Variants in FOXO1 observed in about 807,000 individuals in gnomAD.
FOXO1 encodes the protein forkhead box O1, also known as forkhead box protein O1.
In FOXO1, 6 loss-of-function variants were observed where a neutral mutation model predicts 44.1. The ratio of observed to expected loss-of-function variants is 0.14; its 90% confidence interval spans 0.07 to 0.27. The LOEUF (loss-of-function observed/expected upper bound fraction) is 0.27. Among genes scored for constraint, FOXO1 ranks in the 10% least tolerant of loss-of-function variants. FOXO1 has a pLI of 1.00. For synonymous variants in FOXO1, 380 were observed against 362.7 expected (o/e 1.05, Z -0.54); for missense variants, 737 against 888.8 (o/e 0.83, Z 2.17).
intron 1 of FOXO1, among the ~76,000 whole-genome samples, chr13:40,636,447 A>G (rs959572841): frequency 6.6e-6 from 1 of 151,614 alleles, no homozygotes; most frequent in African/African-American, 2.4e-5. Flanking sequence ...ATATGAGAGG[A>G]CTGCTTGAGG....
chr13:40,592,894 T>G (rs1414521794), intron 1 of FOXO1, among the ~76,000 whole-genome samples: 1 of 152,226 alleles, frequency 6.6e-6, no homozygotes, highest in Non-Finnish European at 1.5e-5. Context: ...TAAAGGTATA[T>G]GGTTTCTAGT....
intron 1 of FOXO1, chr13:40,562,540 C>T (rs1874076604): frequency 6.6e-6 from 1 of 152,172 alleles, no homozygotes; most frequent in Non-Finnish European, 1.5e-5. Context: ...CATAAAAATG[C>T]TCAGCGGTGC....
intron 1 of FOXO1, chr13:40,621,360 G>A (rs948168573): frequency 1.1e-5 from 5 of 435,510 alleles, no homozygotes; most frequent in African/African-American, 1.1e-4. Flanking sequence ...AAAGTGATGG[G>A]ATCTACTCAA....
intron 1 of FOXO1, among the ~76,000 whole-genome samples, chr13:40,652,611 T>C (rs986058783): frequency 1.3e-5 from 2 of 152,214 alleles, no homozygotes; most frequent in Non-Finnish European, 2.9e-5. Context: ...TTATGGTGAC[T>C]GAACATGCCT....
chr13:40,583,860 C>T (rs1040099560), intron 1 of FOXO1, among the ~76,000 whole-genome samples: 3 of 152,232 alleles, frequency 2.0e-5, no homozygotes, highest in African/African-American at 7.2e-5. Context: ...GCATTCACAA[C>T]TTGGCTGACT....
At chr13:40,584,331 A>G (rs1875067543) in intron 1 of FOXO1, among the ~76,000 whole-genome samples, 1 of 151,828 alleles carries the variant, frequency 6.6e-6, no homozygotes, top group Non-Finnish European at 1.5e-5. Context: ...TGAAATGTAA[A>G]TATTATTTGG....
At chr13:40,593,015 G>T (rs1875441410) in intron 1 of FOXO1, among the ~76,000 whole-genome samples, 1 of 151,982 alleles carries the variant, frequency 6.6e-6, no homozygotes, top group African/African-American at 2.4e-5. Context: ...TTTTGTTTTG[G>T]GGGCTTTTTT....
rs1243320802 is a variant in FOXO1 at position 40,599,253 on chromosome 13, G to A, written c.631-38393C>T. ...AAAGCTTCCAAGGTCTGTTTGCAGA[G>A]TTAGTCTTGTCAGGGAAGAATTTAT... is the stretch of plus-strand genomic sequence containing the variant. On this transcript the variant is annotated intron_variant, in intron 1 of 2. Transcript: ENST00000379561. Among the ~76,000 whole-genome samples the A allele has an allele frequency of 2.0e-5, 3 of 150,684 alleles. 1 individual carries two copies. The highest frequency in any genetic ancestry group is 4.4e-5 in the Non-Finnish European group (3 of 67,828).
intron 1 of FOXO1, among the ~76,000 whole-genome samples, chr13:40,628,120 C>T (rs1278574273): frequency 4.6e-5 from 7 of 151,742 alleles, no homozygotes; most frequent in East Asian, 1.9e-4. Context: ...ATCTGGGTAA[C>T]GGGTACATAA....
intron 1 of FOXO1, among the ~76,000 whole-genome samples, chr13:40,578,861 C>A (rs944756753): frequency 1.5e-4 from 23 of 152,328 alleles, no homozygotes; most frequent in Non-Finnish European, 2.8e-4. Flanking sequence ...CACATGCATG[C>A]ACATGCACAC....
At chr13:40,595,218 T>G (rs1875530624) in intron 1 of FOXO1, among the ~76,000 whole-genome samples, 1 of 152,212 alleles carries the variant, frequency 6.6e-6, no homozygotes, top group Non-Finnish European at 1.5e-5. Context: ...ACACTTGGAC[T>G]TTTGTTCTCT....
At chr13:40,651,076 T>C (rs1275596964) in intron 1 of FOXO1, among the ~76,000 whole-genome samples, 7 of 136,930 alleles carry the variant, frequency 5.1e-5, no homozygotes, top group Non-Finnish European at 1.1e-4. Context: ...CACTGCCTAG[T>C]TTTTTTGGTT....
chr13:40,605,374 G>A (rs991157235), intron 1 of FOXO1, among the ~76,000 whole-genome samples: 7 of 152,070 alleles, frequency 4.6e-5, no homozygotes, highest in South Asian at 4.1e-4. Context: ...GCACCCCAGC[G>A]CTCACAGTTG....
chr13:40,582,462 G>A (rs1229310846), intron 1 of FOXO1, among the ~76,000 whole-genome samples: 1 of 152,204 alleles, frequency 6.6e-6, no homozygotes. Flanking sequence ...TTTCTCTGTA[G>A]CATGTGATGC....
intron 1 of FOXO1, among the ~76,000 whole-genome samples, chr13:40,562,061 G>C (rs989061317): frequency 6.6e-6 from 1 of 152,082 alleles, no homozygotes; most frequent in Non-Finnish European, 1.5e-5. Flanking sequence ...AAATACAAGT[G>C]AATGTAAGGA....
intron 1 of FOXO1, among the ~76,000 whole-genome samples, chr13:40,591,399 T>C (rs759845477): frequency 2.0e-5 from 3 of 152,106 alleles, no homozygotes; most frequent in Non-Finnish European, 2.9e-5. Flanking sequence ...TCATCAGCAG[T>C]GCACTTCAGT....
intron 1 of FOXO1, among the ~76,000 whole-genome samples, chr13:40,610,036 C>T (rs776600176): frequency 2.0e-5 from 3 of 152,122 alleles, no homozygotes; most frequent in East Asian, 1.9e-4. Context: ...TATTACCCTA[C>T]GACAATTTTC....
rs368614611 is a variant in FOXO1 at position 40,642,418 on chromosome 13, G to C, written c.630+23165C>G. Among the ~76,000 whole-genome samples the C allele has an allele frequency of 7.7e-4, 118 of 152,268 alleles. 2 individuals carry two copies. In the South Asian group the frequency reaches 0.018, roughly 24 times the overall value. ...GCACCGGCAACTATACTCCAAAAAG[G>C]TATCTCTCATGCCTGTCACCACATA... On this transcript the variant is annotated intron_variant, in intron 1 of 2. Coordinates refer to ENST00000379561, the MANE Select transcript of FOXO1 (RefSeq NM_002015.4).
chr13:40,565,818 T>C (rs1350938543), intron 1 of FOXO1, among the ~76,000 whole-genome samples: 3 of 152,248 alleles, frequency 2.0e-5, no homozygotes, highest in Non-Finnish European at 4.4e-5. Flanking sequence ...CATATGTCTG[T>C]GTTTTACAGA....
Sources: allele counts gnomAD v4.1 joint callset (sites outside exome capture counted in the v4.1 genomes callset), GRCh38; gene constraint gnomAD v4.1.1; transcripts MANE v1.5; gene names NCBI Gene and HGNC (gene_info 2026-07-23, HGNC 2026-07-21).